Variants in TENM2 observed in about 807,000 individuals in gnomAD.
The protein encoded by TENM2 is teneurin-2.
A neutral mutation model predicts 245.2 loss-of-function variants in TENM2; 52 were observed. That is an observed-to-expected ratio of 0.21 (90% CI 0.17 to 0.27). The LOEUF is 0.27. Ranked by LOEUF, TENM2 falls within the 10% of genes least tolerant of loss-of-function variation. TENM2 has a pLI of 1.00. For missense variants in TENM2, 3,046 were observed against 3,666.8 expected, an observed-to-expected ratio of 0.83 and a Z score of 4.37; for synonymous variants, 1,363 against 1,438.9, an observed-to-expected ratio of 0.95 and a Z score of 1.19.
intron 2 of TENM2, among the ~76,000 whole-genome samples, chr5:167,579,465 C>A (rs920868972): frequency 6.6e-6 from 1 of 152,196 alleles, no homozygotes; most frequent in Non-Finnish European, 1.5e-5. Flanking sequence ...TAGGCACCAA[C>A]CACATTTTGA....
At chr5:167,607,547 T>G (rs2127741262) in intron 2 of TENM2, among the ~76,000 whole-genome samples, 1 of 152,316 alleles carries the variant, frequency 6.6e-6, no homozygotes, top group South Asian at 2.1e-4. Context: ...ACTTCGGGCC[T>G]TATACTCTAC....
intron 2 of TENM2, among the ~76,000 whole-genome samples, chr5:167,723,384 C>G (rs1281077363): frequency 6.6e-6 from 1 of 152,170 alleles, no homozygotes; most frequent in Admixed American, 6.5e-5. Context: ...TCTCCAGTCT[C>G]CCCACCCTTG....
At chr5:167,649,627 GCTGTAATGGGA>G (rs1197834079) in intron 2 of TENM2, among the ~76,000 whole-genome samples, 2 of 152,134 alleles carry the variant, frequency 1.3e-5, no homozygotes, top group Non-Finnish European at 2.9e-5. Context: ...TTAAAGCGGT[GCTGTAATGGGA>G]CTGTTCCCTT....
At chr5:167,900,354 T>C (rs896457091) in intron 3 of TENM2, among the ~76,000 whole-genome samples, 2 of 152,088 alleles carry the variant, frequency 1.3e-5, no homozygotes, top group African/African-American at 4.8e-5. Context: ...AATTATTATC[T>C]GTGTATCATG....
chr5:167,373,369 G>C (rs994746553), intron 1 of TENM2, among the ~76,000 whole-genome samples: 7 of 152,208 alleles, frequency 4.6e-5, no homozygotes, highest in African/African-American at 1.7e-4. Context: ...TACATCAAGA[G>C]TTTAGAGACA....
chr5:167,383,739 A>AAAAAAAAAAAAAAAAAAAAAAAAAAAAAT (rs1214222867), intron 2 of TENM2, among the ~76,000 whole-genome samples: 1 of 151,948 alleles, frequency 6.6e-6, no homozygotes, highest in Non-Finnish European at 1.5e-5. Context: ...AAAAAAAAAA[A>AAAAAAAAAAAAAAAAAAAAAAAAAAAAAT]AAAAAAAAAA....
At chr5:168,253,258 C>G (rs1229977909) in intron 27 of TENM2, among the ~76,000 whole-genome samples, 1 of 151,780 alleles carries the variant, frequency 6.6e-6, no homozygotes, top group African/African-American at 2.4e-5. Flanking sequence ...TGAGCCACCG[C>G]GCCTGGCAGA....
At chr5:167,395,784 C>T (rs936144712) in intron 2 of TENM2, among the ~76,000 whole-genome samples, 11 of 152,184 alleles carry the variant, frequency 7.2e-5, no homozygotes, top group African/African-American at 2.6e-4. Flanking sequence ...GGTTATACAT[C>T]CTTTCACTTA....
the TENM2 span, among the ~76,000 whole-genome samples, chr5:167,162,058 TG>T: frequency 1.4e-4 from 21 of 151,190 alleles, no homozygotes; most frequent in East Asian, 3.9e-3. Context: ...CCCAGCTACT[TG>T]GGAGGCTGAG....
chr5:167,863,529 A>T (rs1583219020), intron 2 of TENM2, among the ~76,000 whole-genome samples: 1 of 152,136 alleles, frequency 6.6e-6, no homozygotes, highest in Admixed American at 6.5e-5. Flanking sequence ...CTGTAATCCC[A>T]GCTAATTGGG....
intron 2 of TENM2, among the ~76,000 whole-genome samples, chr5:167,581,303 G>A (rs1029462546): frequency 3.9e-5 from 6 of 152,178 alleles, no homozygotes; most frequent in African/African-American, 1.4e-4. Flanking sequence ...AAAAAGTGGT[G>A]TTGCCTCAGT....
At chr5:167,895,888 A>G (rs750648317) in intron 3 of TENM2, among the ~76,000 whole-genome samples, 2 of 152,260 alleles carry the variant, frequency 1.3e-5, no homozygotes, top group Non-Finnish European at 2.9e-5. Context: ...AGGGAGCTCA[A>G]CAATTCATTT....
intron 5 of TENM2, among the ~76,000 whole-genome samples, chr5:168,021,553 C>G (rs1304919925): frequency 2.0e-5 from 3 of 152,090 alleles, no homozygotes; most frequent in African/African-American, 7.2e-5. Flanking sequence ...CATATCTTTA[C>G]TCTGTATCTG....
At chr5:167,879,882 A>G (rs557448857) in intron 3 of TENM2, among the ~76,000 whole-genome samples, 5 of 152,150 alleles carry the variant, frequency 3.3e-5, no homozygotes, top group Non-Finnish European at 7.3e-5. Context: ...GCCTTAGTTA[A>G]TTCTAAATGA....
At chr5:167,694,658 C>T (rs1034977492) in intron 2 of TENM2, among the ~76,000 whole-genome samples, 1 of 152,114 alleles carries the variant, frequency 6.6e-6, no homozygotes, top group Non-Finnish European at 1.5e-5. Flanking sequence ...TCTGAGCCTG[C>T]TAATCATTTC....
At chr5:167,382,626 A>G (rs1190445594) in intron 2 of TENM2, among the ~76,000 whole-genome samples, 1 of 152,152 alleles carries the variant, frequency 6.6e-6, no homozygotes, top group Non-Finnish European at 1.5e-5. Context: ...CATTCTTTGA[A>G]AAAGAGTAGG....
intron 2 of TENM2, among the ~76,000 whole-genome samples, chr5:167,793,201 A>T (rs927747611): frequency 2.6e-5 from 4 of 152,100 alleles, no homozygotes; most frequent in Non-Finnish European, 5.9e-5. Context: ...ATCAAGAGAA[A>T]ACCAAGTTCA....
At chr5:167,912,531 A>G (rs551702671) in intron 3 of TENM2, among the ~76,000 whole-genome samples, 2 of 150,780 alleles carry the variant, frequency 1.3e-5, no homozygotes, top group East Asian at 3.9e-4. Flanking sequence ...TAACTGAATC[A>G]ATTATACAAC....
At chr5:168,181,224 G>A (rs760586912) in intron 13 of TENM2, among the ~76,000 whole-genome samples, 8 of 152,204 alleles carry the variant, frequency 5.3e-5, no homozygotes, top group Non-Finnish European at 7.3e-5. Flanking sequence ...TTTGTTGATG[G>A]CATTTGTTTT....
Sources: allele counts gnomAD v4.1 joint callset (sites outside exome capture counted in the v4.1 genomes callset), GRCh38; gene constraint gnomAD v4.1.1; transcripts MANE v1.5; gene names NCBI Gene and HGNC (gene_info 2026-07-23, HGNC 2026-07-21).